The following RANBP2 variants were observed in gnomAD, a reference collection of about 807,000 sequenced individuals.
RANBP2 encodes the protein E3 SUMO-protein ligase RanBP2.
In RANBP2, 57 loss-of-function variants were observed where a neutral mutation model predicts 303.6. The observed-to-expected ratio is 0.19, with a 90% CI of 0.15 to 0.23. RANBP2 has a LOEUF of 0.23. Among genes scored for constraint, RANBP2 ranks in the 10% least tolerant of loss-of-function variants. RANBP2 has a pLI of 1.00. For synonymous variants in RANBP2, 1,167 were observed against 1,301.5 expected, an observed-to-expected ratio of 0.90 and a Z score of 2.23; for missense variants, 3,138 against 3,780.8, an observed-to-expected ratio of 0.83 and a Z score of 4.46.
At chr2:108,910,400 C>T in the RANBP2 span, 1 of 1,415,666 alleles carries the variant, frequency 7.1e-7, no homozygotes, top group Non-Finnish European at 9.9e-7. Flanking sequence ...CCTGGTTCCC[C>T]TCCCTGCTCA....
the RANBP2 span, among the ~76,000 whole-genome samples, chr2:109,489,702 G>A: frequency 7.0e-6 from 1 of 141,850 alleles, no homozygotes; most frequent in African/African-American, 2.6e-5. Flanking sequence ...GATTTTGGAA[G>A]AGAAAGGAAA....
the RANBP2 span, among the ~76,000 whole-genome samples, chr2:108,982,820 G>T: frequency 5.9e-5 from 9 of 152,290 alleles, no homozygotes; most frequent in South Asian, 1.5e-3. Flanking sequence ...AAGCAAAATT[G>T]CTTAGTGAGT....
the RANBP2 span, among the ~76,000 whole-genome samples, chr2:109,255,466 G>A: frequency 6.6e-6 from 1 of 152,276 alleles, no homozygotes; most frequent in South Asian, 2.1e-4. Context: ...GTTGGACTGG[G>A]GTTCGTATTA....
At chr2:108,900,556 A>C in the RANBP2 span, among the ~76,000 whole-genome samples, 1 of 66,788 alleles carries the variant, frequency 1.5e-5, no homozygotes, top group Non-Finnish European at 4.7e-5. Context: ...ACTCCAAAAA[A>C]AAAGAAAAAA....
At chr2:109,475,509 C>T in the RANBP2 span, among the ~76,000 whole-genome samples, 2 of 152,220 alleles carry the variant, frequency 1.3e-5, no homozygotes, top group Admixed American at 1.3e-4. Flanking sequence ...CACCCACCTA[C>T]TTCTGCCTCA....
chr2:108,738,926 G>A (rs1316227374), intron 6 of RANBP2, among the ~76,000 whole-genome samples: 1 of 151,706 alleles, frequency 6.6e-6, no homozygotes, highest in African/African-American at 2.4e-5. Flanking sequence ...CACCGCACAG[G>A]GCCAATAATA....
the RANBP2 span, among the ~76,000 whole-genome samples, chr2:108,931,412 G>C: frequency 2.0e-5 from 3 of 152,238 alleles, no homozygotes; most frequent in African/African-American, 7.2e-5. Context: ...GGACTTAGGA[G>C]GACCCCTGGA....
chr2:109,710,334 A>T, the RANBP2 span, among the ~76,000 whole-genome samples: 11 of 151,714 alleles, frequency 7.3e-5, no homozygotes, highest in Admixed American at 3.9e-4. Context: ...GTGAGCCGAG[A>T]TAACGCCATT....
the RANBP2 span, among the ~76,000 whole-genome samples, chr2:109,078,949 C>T: frequency 1.3e-5 from 2 of 151,892 alleles, no homozygotes; most frequent in African/African-American, 2.4e-5. Context: ...CGAGATCGCA[C>T]AATTGCTTTC....
the RANBP2 span, chr2:108,798,381 G>T: frequency 1.1e-4 from 167 of 1,574,368 alleles, no homozygotes; most frequent in Non-Finnish European, 1.5e-5. Context: ...ATAATTTGCA[G>T]AATTTGTGAC....
the RANBP2 span, chr2:109,419,661 C>G: frequency 1.3e-6 from 2 of 1,555,066 alleles, no homozygotes; most frequent in African/African-American, 2.7e-5. Context: ...CCCTTTGTGT[C>G]TGTCGGGGTC....
At chr2:108,745,901 C>CTT (rs71381988) in intron 7 of RANBP2, among the ~76,000 whole-genome samples, 1,452 of 140,596 alleles carry the variant, frequency 0.01, 13 homozygotes, top group South Asian at 0.021. Flanking sequence ...TCTGTGTATG[C>CTT]TTTTTTTTTT....
the RANBP2 span, among the ~76,000 whole-genome samples, chr2:109,707,313 T>C: frequency 7.9e-5 from 12 of 152,200 alleles, no homozygotes; most frequent in African/African-American, 2.9e-4. Flanking sequence ...CTGGCTCTTT[T>C]CTTGCCTTCT....
chr2:109,097,944 G>A, the RANBP2 span, among the ~76,000 whole-genome samples: 10 of 152,124 alleles, frequency 6.6e-5, no homozygotes, highest in Non-Finnish European at 1.5e-4. Context: ...CCTTGACCAG[G>A]CTGCAGTAGG....
chr2:108,844,069 C>T, the RANBP2 span, among the ~76,000 whole-genome samples: 1 of 151,432 alleles, frequency 6.6e-6, no homozygotes, highest in South Asian at 2.1e-4. Flanking sequence ...CCTATGTTGC[C>T]CAGGCTGGTC....
the RANBP2 span, among the ~76,000 whole-genome samples, chr2:109,631,729 C>T: frequency 2.0e-5 from 3 of 151,876 alleles, no homozygotes; most frequent in African/African-American, 7.3e-5. Flanking sequence ...GCACTCCAGC[C>T]TGGGTAACAA....
At chr2:109,118,438 G>A in the RANBP2 span, among the ~76,000 whole-genome samples, 4 of 150,882 alleles carry the variant, frequency 2.7e-5, no homozygotes, top group Non-Finnish European at 5.9e-5. Flanking sequence ...TGACCCAAAC[G>A]ACGGATGAAT....
At chr2:109,722,321 A>G in the RANBP2 span, among the ~76,000 whole-genome samples, 1 of 152,190 alleles carries the variant, frequency 6.6e-6, no homozygotes, top group Non-Finnish European at 1.5e-5. Flanking sequence ...CAGACACGGA[A>G]AGAGGCAGAG....
At chr2:109,305,986 A>G in the RANBP2 span, among the ~76,000 whole-genome samples, 1 of 152,214 alleles carries the variant, frequency 6.6e-6, no homozygotes, top group Non-Finnish European at 1.5e-5. Context: ...TGAGCACAGT[A>G]GATCTGGGCA....
Sources: allele counts gnomAD v4.1 joint callset (sites outside exome capture counted in the v4.1 genomes callset), GRCh38; gene constraint gnomAD v4.1.1; transcripts MANE v1.5; gene names NCBI Gene and HGNC (gene_info 2026-07-23, HGNC 2026-07-21).